ABTB3: variants seen among roughly 807,000 people sequenced by gnomAD.
The protein encoded by ABTB3 is ankyrin repeat- and BTB/POZ domain-containing protein 3.
chr12:107,481,755 G>A, the ABTB3 span, among the ~76,000 whole-genome samples: 1 of 152,166 alleles, frequency 6.6e-6, no homozygotes, highest in Non-Finnish European at 1.5e-5. Flanking sequence ...TGATGTCACT[G>A]GGTCTTGTCT....
At chr12:107,425,622 A>G in the ABTB3 span, among the ~76,000 whole-genome samples, 1 of 152,222 alleles carries the variant, frequency 6.6e-6, no homozygotes, top group African/African-American at 2.4e-5. Context: ...AAAGACTTTC[A>G]TGGACCTCCC....
At chr12:107,436,219 T>C in the ABTB3 span, among the ~76,000 whole-genome samples, 2 of 152,198 alleles carry the variant, frequency 1.3e-5, no homozygotes, top group African/African-American at 4.8e-5. Context: ...TGGAGGCACC[T>C]ACTGAAGACT....
the ABTB3 span, among the ~76,000 whole-genome samples, chr12:107,383,253 A>G: frequency 1.3e-5 from 2 of 152,254 alleles, no homozygotes; most frequent in African/African-American, 2.4e-5. Flanking sequence ...TTTGCCCTGC[A>G]GGTATGGCTG....
At chr12:107,506,596 C>G in the ABTB3 span, among the ~76,000 whole-genome samples, 2 of 152,072 alleles carry the variant, frequency 1.3e-5, no homozygotes, top group Non-Finnish European at 2.9e-5. Context: ...AATTAGATAC[C>G]ATTTTCCAGC....
chr12:107,644,317 T>C, the ABTB3 span, among the ~76,000 whole-genome samples: 5 of 152,160 alleles, frequency 3.3e-5, no homozygotes, highest in African/African-American at 1.2e-4. Context: ...CACATTAGAA[T>C]CACCTGGGAG....
the ABTB3 span, among the ~76,000 whole-genome samples, chr12:107,485,876 G>A: frequency 7.9e-5 from 12 of 152,282 alleles, no homozygotes; most frequent in Middle Eastern, 3.4e-3. Flanking sequence ...ATGCTGAAGT[G>A]GCAAAGATTT....
At chr12:107,472,613 G>A in the ABTB3 span, among the ~76,000 whole-genome samples, 1 of 152,222 alleles carries the variant, frequency 6.6e-6, no homozygotes, top group Non-Finnish European at 1.5e-5. Flanking sequence ...AATACTACCT[G>A]AGAAAGGCTT....
chr12:107,575,007 T>C, the ABTB3 span, among the ~76,000 whole-genome samples: 3 of 152,200 alleles, frequency 2.0e-5, no homozygotes. Flanking sequence ...ACAGATGCAG[T>C]GATGTTACAA....
At chr12:107,488,140 G>A in the ABTB3 span, among the ~76,000 whole-genome samples, 3 of 152,000 alleles carry the variant, frequency 2.0e-5, no homozygotes, top group Non-Finnish European at 2.9e-5. Context: ...AGTGGGTACC[G>A]AGCAGTCAAG....
the ABTB3 span, among the ~76,000 whole-genome samples, chr12:107,444,887 G>C: frequency 1.3e-5 from 2 of 152,182 alleles, no homozygotes; most frequent in Non-Finnish European, 2.9e-5. Flanking sequence ...CTCCTCAGAG[G>C]CTGGGAGGGT....
the ABTB3 span, among the ~76,000 whole-genome samples, chr12:107,544,661 A>C: frequency 6.6e-6 from 1 of 152,182 alleles, no homozygotes; most frequent in African/African-American, 2.4e-5. Flanking sequence ...GGCTGCCTGG[A>C]GGCCTCCTGT....
chr12:107,615,159 T>A, the ABTB3 span: 1 of 1,611,122 alleles, frequency 6.2e-7, no homozygotes. Context: ...TTCCTGTAGT[T>A]CAGGTATTAA....
At chr12:107,450,034 C>T in the ABTB3 span, among the ~76,000 whole-genome samples, 1 of 152,024 alleles carries the variant, frequency 6.6e-6, no homozygotes, top group Non-Finnish European at 1.5e-5. Context: ...CAAGGAATGC[C>T]AGTGCTCTTC....
At chr12:107,449,479 G>T in the ABTB3 span, among the ~76,000 whole-genome samples, 1 of 152,110 alleles carries the variant, frequency 6.6e-6, no homozygotes, top group African/African-American at 2.4e-5. Flanking sequence ...TGAGCTTCAG[G>T]AGGAAGGTTC....
At chr12:107,333,494 C>T in the ABTB3 span, among the ~76,000 whole-genome samples, 1 of 152,046 alleles carries the variant, frequency 6.6e-6, no homozygotes, top group Non-Finnish European at 1.5e-5. Context: ...TAGAACAAGC[C>T]GTGTTGATCT....
chr12:107,515,877 G>A, the ABTB3 span, among the ~76,000 whole-genome samples: 1 of 152,090 alleles, frequency 6.6e-6, no homozygotes, highest in Non-Finnish European at 1.5e-5. Context: ...CCCATTAGTG[G>A]ATCATGATGT....
chr12:107,551,755 CTT>C, the ABTB3 span, among the ~76,000 whole-genome samples: 29 of 146,086 alleles, frequency 2.0e-4, no homozygotes, highest in Admixed American at 2.0e-4. Flanking sequence ...TTATAATCTT[CTT>C]TTTTTTTTTT....
At chr12:107,370,634 C>T in the ABTB3 span, among the ~76,000 whole-genome samples, 1 of 152,068 alleles carries the variant, frequency 6.6e-6, no homozygotes, top group Non-Finnish European at 1.5e-5. Context: ...GTGTTGCAGC[C>T]GTGCTCTGGA....
the ABTB3 span, among the ~76,000 whole-genome samples, chr12:107,404,527 G>A: frequency 6.6e-6 from 1 of 152,268 alleles, no homozygotes; most frequent in East Asian, 1.9e-4. Flanking sequence ...TACTAGAGAT[G>A]GGTGTGCCCA....
Sources: allele counts gnomAD v4.1 joint callset (sites outside exome capture counted in the v4.1 genomes callset), GRCh38; gene constraint gnomAD v4.1.1; transcripts MANE v1.5; gene names NCBI Gene and HGNC (gene_info 2026-07-23, HGNC 2026-07-21).